The following FBXO34 variants were observed in gnomAD, a reference collection of about 807,000 sequenced individuals.
FBXO34 encodes F-box protein 34.
FBXO34 carries 12 observed loss-of-function variants against 24.5 expected under a neutral mutation model. The ratio of observed to expected loss-of-function variants is 0.49; its 90% CI spans 0.31 to 0.79. The LOEUF is 0.79. Ranked by LOEUF, FBXO34 falls within the 30% of genes least tolerant of loss-of-function variation. The probability of loss-of-function intolerance (pLI) is 0.04; values close to 1 mark genes in which losing one functional copy is unlikely to be tolerated. For synonymous variants in FBXO34, 320 were observed against 311.9 expected, an observed-to-expected ratio of 1.03 and a Z score of -0.27; for missense variants, 823 against 857.7, an observed-to-expected ratio of 0.96 and a Z score of 0.51.
At chr14:55,402,964 T>A in the FBXO34 span, among the ~76,000 whole-genome samples, 249 of 59,704 alleles carry the variant, frequency 4.2e-3, no homozygotes, top group Non-Finnish European at 6.9e-3. Flanking sequence ...TATATATATA[T>A]ATATAAATAG....
At chr14:55,282,213 T>C in intron 1 of FBXO34, 1 of 212,354 alleles carries the variant, frequency 4.7e-6, no homozygotes, top group East Asian at 1.3e-4. Context: ...CAAGATGATC[T>C]TGATCTCCTT....
At chr14:55,428,725 G>T in the FBXO34 span, 12 of 1,357,016 alleles carry the variant, frequency 8.8e-6, no homozygotes, top group Non-Finnish European at 1.2e-5. Flanking sequence ...CAATTTCTCT[G>T]AAAGATACTT....
downstream of FBXO34, among the ~76,000 whole-genome samples, chr14:55,363,013 T>C (rs200907380): frequency 9.8e-5 from 14 of 143,548 alleles, no homozygotes; most frequent in Non-Finnish European, 1.8e-4. Context: ...GACCCCTTTT[T>C]TCTCTCTCTC....
At chr14:55,441,003 T>A in the FBXO34 span, among the ~76,000 whole-genome samples, 1 of 151,334 alleles carries the variant, frequency 6.6e-6, no homozygotes, top group Non-Finnish European at 1.5e-5. Flanking sequence ...CGCACCACCA[T>A]GACCTGCTAA....
chr14:55,366,295 T>TA (rs1183512280), downstream of FBXO34: 9 of 152,754 alleles, frequency 5.9e-5, no homozygotes, highest in Non-Finnish European at 1.2e-4. Flanking sequence ...TCTTCTATAA[T>TA]TTGTATAAAG....
rs118131103 is a variant in FBXO34, at chr14:55,281,349, T to C, written c.-11+9812T>C. On this transcript the variant is annotated intron_variant, in intron 1 of 1. Coordinates refer to ENST00000313833, the MANE Select transcript of FBXO34 (RefSeq NM_017943.4). ...TGTGGTTAGTGGCTGCTGTATTGGA[T>C]AGGACAGATCTAGACCAATGATCAT... is the stretch of plus-strand genomic sequence containing the variant. Among the ~76,000 whole-genome samples, 45 of 151,854 alleles carry C rather than the reference T, an allele frequency of 3.0e-4. 1 individual carries two copies. The East Asian group carries it at 8.5e-3, about 29-fold the overall frequency.
intron 1 of FBXO34, among the ~76,000 whole-genome samples, chr14:55,322,817 C>A (rs957784433): frequency 1.3e-5 from 2 of 151,814 alleles, no homozygotes; most frequent in African/African-American, 4.8e-5. Flanking sequence ...AAGCATTCTA[C>A]CATATTTGAC....
chr14:55,298,725 G>A, intron 1 of FBXO34: 1 of 1,570,894 alleles, frequency 6.4e-7, no homozygotes, highest in East Asian at 2.3e-5. Flanking sequence ...GGACACGGAG[G>A]AGATGTTAAG....
At chr14:55,274,072 G>A (rs111343449) in intron 1 of FBXO34, among the ~76,000 whole-genome samples, 1,702 of 152,278 alleles carry the variant, frequency 0.011, 14 homozygotes, top group Middle Eastern at 0.027. Context: ...CCAAAGTGCT[G>A]GGACTACAGG....
At chr14:55,301,622 C>T (rs1882359791) in intron 1 of FBXO34, among the ~76,000 whole-genome samples, 1 of 152,116 alleles carries the variant, frequency 6.6e-6, no homozygotes, top group Non-Finnish European at 1.5e-5. Context: ...AGGGAGGAGA[C>T]TTGAATGTTA....
the FBXO34 span, among the ~76,000 whole-genome samples, chr14:55,428,119 CTTTTTTTTTT>C: frequency 9.9e-4 from 43 of 43,354 alleles, no homozygotes; most frequent in East Asian, 0.01. Context: ...CATGCCTTAT[CTTTTTTTTTT>C]TTTTTTTTTT....
intron 1 of FBXO34, chr14:55,326,080 C>T (rs1207294438): frequency 6.6e-6 from 1 of 152,196 alleles, no homozygotes; most frequent in Non-Finnish European, 1.5e-5. Context: ...ATGGCCTATT[C>T]AAGGTGTTTC....
intron 1 of FBXO34, among the ~76,000 whole-genome samples, chr14:55,307,721 T>G (rs1882601735): frequency 6.6e-6 from 1 of 152,216 alleles, no homozygotes; most frequent in South Asian, 2.1e-4. Context: ...AAAGTAAATA[T>G]AATGCAGAAA....
chr14:55,440,084 T>C, the FBXO34 span, among the ~76,000 whole-genome samples: 1,238 of 151,688 alleles, frequency 8.2e-3, 11 homozygotes, highest in African/African-American at 0.023. Context: ...TGGGCGAGAC[T>C]CCATCTCAGA....
chr14:55,345,157 C>T (rs762757690), intron 1 of FBXO34, among the ~76,000 whole-genome samples: 7 of 152,100 alleles, frequency 4.6e-5, no homozygotes, highest in Non-Finnish European at 1.0e-4. Context: ...CCTCTGCCTC[C>T]CCTGCTCCAA....
the FBXO34 span, among the ~76,000 whole-genome samples, chr14:55,379,186 A>G: frequency 1.3e-5 from 2 of 152,356 alleles, no homozygotes; most frequent in South Asian, 4.1e-4. Flanking sequence ...CTTCATAAAT[A>G]TGTGTTACAT....
chr14:55,372,101 C>CCT (rs1400400657), downstream of FBXO34, among the ~76,000 whole-genome samples: 1 of 152,122 alleles, frequency 6.6e-6, no homozygotes, highest in East Asian at 1.9e-4. Flanking sequence ...TCCCAAATAT[C>CCT]CTCTGGTTAC....
At chr14:55,409,432 T>C in the FBXO34 span, among the ~76,000 whole-genome samples, 2 of 151,944 alleles carry the variant, frequency 1.3e-5, no homozygotes, top group African/African-American at 4.8e-5. Flanking sequence ...GTTAGACAAA[T>C]TAATATGTAC....
At chr14:55,375,880 A>G in the FBXO34 span, among the ~76,000 whole-genome samples, 1 of 152,228 alleles carries the variant, frequency 6.6e-6, no homozygotes, top group Non-Finnish European at 1.5e-5. Flanking sequence ...CTATGTAAGT[A>G]ACGTGCCATG....
Sources: gnomAD v4.1 joint callset for allele counts (sites outside exome capture counted in the v4.1 genomes callset) on GRCh38, gnomAD v4.1.1 for gene constraint, MANE v1.5 for transcripts, NCBI Gene and HGNC (gene_info 2026-07-23, HGNC 2026-07-21) for gene names.